MYRIP: variants seen among roughly 807,000 people sequenced by gnomAD.
The protein encoded by MYRIP is rab effector MyRIP.
A neutral mutation model predicts 98.0 loss-of-function variants in MYRIP; 49 were observed. The observed-to-expected ratio is 0.50, with a 90% CI of 0.40 to 0.63. MYRIP has a LOEUF of 0.63. Ranked by LOEUF, MYRIP falls within the 30% of genes least tolerant of loss-of-function variation. The probability of loss-of-function intolerance (pLI) is 0.00; values close to 1 mark genes in which losing one functional copy is unlikely to be tolerated. For synonymous variants in MYRIP, 404 were observed against 409.5 expected, an observed-to-expected ratio of 0.99 and a Z score of 0.16; for missense variants, 1,004 against 1,058.2, an observed-to-expected ratio of 0.95 and a Z score of 0.71.
At chr3:39,850,266 C>T (rs1039244230) in intron 1 of MYRIP, among the ~76,000 whole-genome samples, 3 of 152,252 alleles carry the variant, frequency 2.0e-5, no homozygotes, top group African/African-American at 4.8e-5. Context: ...CCCTGTGGGT[C>T]AGCCCACATA....
chr3:39,919,649 G>C (rs116639224), intron 2 of MYRIP, among the ~76,000 whole-genome samples: 179 of 151,874 alleles, frequency 1.2e-3, no homozygotes, highest in African/African-American at 4.2e-3. Flanking sequence ...CCTGAAGTAG[G>C]CCTGTAATGG....
At chr3:40,158,460 A>G (rs1332651089) in intron 4 of MYRIP, among the ~76,000 whole-genome samples, 1 of 152,110 alleles carries the variant, frequency 6.6e-6, no homozygotes, top group Non-Finnish European at 1.5e-5. Flanking sequence ...TGCTGAAAAA[A>G]ATGTATATTC....
At chr3:40,178,993 G>A (rs1366086901) in intron 8 of MYRIP, among the ~76,000 whole-genome samples, 2 of 152,142 alleles carry the variant, frequency 1.3e-5, no homozygotes, top group Admixed American at 1.3e-4. Flanking sequence ...CGTCTTCTGT[G>A]TACCCTAGAA....
chr3:40,181,740 C>T (rs969799524), intron 8 of MYRIP, among the ~76,000 whole-genome samples: 3 of 152,142 alleles, frequency 2.0e-5, no homozygotes, highest in African/African-American at 7.2e-5. Flanking sequence ...ATTTCTGCCA[C>T]TTATCCTTAG....
At chr3:39,878,415 C>T (rs911540123) in intron 1 of MYRIP, among the ~76,000 whole-genome samples, 7 of 152,182 alleles carry the variant, frequency 4.6e-5, no homozygotes, top group Admixed American at 4.6e-4. Flanking sequence ...GATGGAAATG[C>T]AGAAATCACC....
rs550837001 is a variant in MYRIP at position 40,031,606 on chromosome 3, A to G, written c.111-12444A>G. On this transcript the variant is annotated intron_variant, in intron 2 of 16. Transcript: ENST00000302541. Reference sequence around the variant, plus strand: ...AAAATTTTGCCTACTGGCTTAGCGGATCTACAAAAAAAGTTTCTTTACCTG... The same window carrying G: ...AAAATTTTGCCTACTGGCTTAGCGGGTCTACAAAAAAAGTTTCTTTACCTG... 5.0e-3 allele frequency among the ~76,000 whole-genome samples: 766 copies of G among 152,236 alleles called. 8 individuals carry two copies. Among genetic ancestry groups the G allele is most frequent in the Non-Finnish European group, 7.5e-3 (511 of 68,000 alleles).
chr3:39,887,574 C>A (rs575152193), intron 1 of MYRIP, among the ~76,000 whole-genome samples: 1 of 152,252 alleles, frequency 6.6e-6, no homozygotes, highest in South Asian at 2.1e-4. Flanking sequence ...CAATATCATA[C>A]TGAATGGGCA....
At chr3:40,054,942 G>T (rs1947854855) in intron 3 of MYRIP, among the ~76,000 whole-genome samples, 1 of 152,162 alleles carries the variant, frequency 6.6e-6, no homozygotes, top group Admixed American at 6.6e-5. Context: ...CATGGACCAA[G>T]GAACACTACT....
intron 1 of MYRIP, among the ~76,000 whole-genome samples, chr3:39,843,961 T>G (rs1399790416): frequency 1.3e-5 from 2 of 152,198 alleles, no homozygotes; most frequent in African/African-American, 2.4e-5. Context: ...ACCATGTCCA[T>G]TTTGTATGAA....
chr3:39,864,609 C>T (rs1186282384), intron 1 of MYRIP, among the ~76,000 whole-genome samples: 1 of 152,070 alleles, frequency 6.6e-6, no homozygotes. Flanking sequence ...TGAAAGATCT[C>T]TACAATGAGA....
intron 2 of MYRIP, among the ~76,000 whole-genome samples, chr3:39,906,871 C>T (rs1943892023): frequency 6.6e-6 from 1 of 152,164 alleles, no homozygotes; most frequent in African/African-American, 2.4e-5. Flanking sequence ...AGAGAAGAGG[C>T]ACTGACTGGA....
At chr3:39,838,729 C>G (rs1304251027) in intron 1 of MYRIP, among the ~76,000 whole-genome samples, 3 of 152,016 alleles carry the variant, frequency 2.0e-5, no homozygotes, top group Non-Finnish European at 4.4e-5. Flanking sequence ...CTCATAAAAT[C>G]AGTTAGGGAG....
intron 4 of MYRIP, among the ~76,000 whole-genome samples, chr3:40,161,666 C>T (rs748754552): frequency 2.6e-5 from 4 of 152,196 alleles, no homozygotes; most frequent in Non-Finnish European, 5.9e-5. Flanking sequence ...TAAACCCCTC[C>T]TCGACTGCAT....
chr3:40,085,803 A>C lies in MYRIP; in HGVS notation c.332+41532A>C, dbSNP rs570584861. 3.3e-5 allele frequency among the ~76,000 whole-genome samples: 5 copies of C among 152,240 alleles called. No individual in the cohort carries two copies. The South Asian group carries it at 6.2e-4, about 19-fold the overall frequency. On this transcript the variant is annotated intron_variant, in intron 3 of 16. Transcript: ENST00000302541. ...AAAATATGGGTACATAAAATAGACT[A>C]TCTCTCTCCTCATGAGTTTTATAAA...
intron 7 of MYRIP, among the ~76,000 whole-genome samples, chr3:40,169,519 C>G (rs765850229): frequency 6.6e-6 from 1 of 152,188 alleles, no homozygotes; most frequent in Non-Finnish European, 1.5e-5. Flanking sequence ...TCAGGACTTA[C>G]AACCAGAGGC....
intron 1 of MYRIP, among the ~76,000 whole-genome samples, chr3:39,855,939 C>T (rs1424253151): frequency 1.3e-5 from 2 of 152,180 alleles, no homozygotes; most frequent in East Asian, 3.8e-4. Flanking sequence ...TTGAGGCCCC[C>T]TGTGAGATAT....
intron 3 of MYRIP, among the ~76,000 whole-genome samples, chr3:40,080,318 T>G (rs1438424181): frequency 4.6e-5 from 7 of 152,282 alleles, no homozygotes; most frequent in Admixed American, 2.0e-4. Flanking sequence ...CTGCTTATAT[T>G]TATTAATATT....
At chr3:39,919,931 A>G (rs1269058867) in intron 2 of MYRIP, among the ~76,000 whole-genome samples, 1 of 152,138 alleles carries the variant, frequency 6.6e-6, no homozygotes, top group East Asian at 1.9e-4. Flanking sequence ...TTGTAGCTAG[A>G]GTATCCTTAC....
At chr3:39,817,281 G>A (rs1940952663) in intron 1 of MYRIP, among the ~76,000 whole-genome samples, 1 of 152,192 alleles carries the variant, frequency 6.6e-6, no homozygotes, top group Admixed American at 6.5e-5. Flanking sequence ...AAGAGAATGA[G>A]TTGAATGACA....
Sources: allele counts gnomAD v4.1 joint callset (sites outside exome capture counted in the v4.1 genomes callset), GRCh38; gene constraint gnomAD v4.1.1; transcripts MANE v1.5; gene names NCBI Gene and HGNC (gene_info 2026-07-23, HGNC 2026-07-21).